Variants in TPCN1 observed in about 807,000 individuals in gnomAD.
TPCN1 encodes two pore channel protein 1.
A neutral mutation model predicts 108.8 loss-of-function variants in TPCN1; 52 were observed. The ratio of observed to expected loss-of-function variants is 0.48; its 90% CI spans 0.38 to 0.60. TPCN1 has a LOEUF of 0.60. TPCN1 is among the 20% of genes least tolerant of loss of function. The pLI, the probability that TPCN1 is intolerant of heterozygous loss-of-function variation, is 0.00. For missense variants in TPCN1, 806 were observed against 1,072.8 expected, an observed-to-expected ratio of 0.75 and a Z score of 3.47; for synonymous variants, 446 against 433.7, an observed-to-expected ratio of 1.03 and a Z score of -0.35.
intron 2 of TPCN1, among the ~76,000 whole-genome samples, chr12:113,235,737 A>G (rs190234901): frequency 4.6e-5 from 7 of 152,218 alleles, no homozygotes; most frequent in African/African-American, 1.7e-4. Flanking sequence ...GTATAACTCT[A>G]GAAGGGTTTA....
intron 2 of TPCN1, among the ~76,000 whole-genome samples, chr12:113,242,742 A>G (rs61943594): frequency 0.091 from 13,830 of 152,128 alleles, 718 homozygotes; most frequent in East Asian, 0.21. Flanking sequence ...CCTTGTTTCT[A>G]GAATGTGCCA....
intron 2 of TPCN1, among the ~76,000 whole-genome samples, chr12:113,246,892 G>A (rs781186663): frequency 6.6e-6 from 1 of 152,192 alleles, no homozygotes; most frequent in Non-Finnish European, 1.5e-5. Context: ...GGGGTGATGC[G>A]GGGTGAGCCT....
chr12:113,276,282 A>AGTG (rs1460885431), intron 10 of TPCN1, among the ~76,000 whole-genome samples: 1 of 152,212 alleles, frequency 6.6e-6, no homozygotes, highest in Non-Finnish European at 1.5e-5. Flanking sequence ...AGACAGAGAA[A>AGTG]GTGTTTCTAA....
rs1247295837 is a variant in TPCN1 at position 113,297,177 on chromosome 12, TACCCTGTAGGA to T, written c.*1102_*1112del. 6.6e-6 allele frequency: 1 copy of T among 152,616 alleles called. No individual in the cohort carries two copies. Among genetic ancestry groups the T allele is most frequent in the Non-Finnish European group, 1.5e-5 (1 of 68,044 alleles). The allele number at this position is 152,616 out of a possible 1,614,324, so 9.5% of individuals were successfully genotyped here. A position where few individuals can be genotyped will look rare whatever the true frequency, so the allele number is the denominator to read the frequency against. On this transcript the variant is annotated 3_prime_UTR_variant, in exon 28 of 28. Transcript: ENST00000335509. This position sits in a 1 kb window ranked among gnomAD's most constrained non-coding sequence, Gnocchi z 4.4. ...GTCGCCACCCCTCCTCCCACCATGG[TACCCTGTAGGA>T]GCCCTGTATGACATCTGAGCGTGGT...
intron 22 of TPCN1, among the ~76,000 whole-genome samples, chr12:113,290,514 C>G (rs934543732): frequency 1.6e-4 from 24 of 152,292 alleles, no homozygotes; most frequent in African/African-American, 5.5e-4. Context: ...GGGCGGGGTC[C>G]CCTCATCACA....
At chr12:113,230,542 TC>T (rs1428459003) in intron 2 of TPCN1, among the ~76,000 whole-genome samples, 1 of 152,190 alleles carries the variant, frequency 6.6e-6, no homozygotes, top group Non-Finnish European at 1.5e-5. Context: ...TGTGTGTCTG[TC>T]CTCTTCTGAT....
In TPCN1 at chr12:113,243,836, G is replaced by A. The variant is rs76185065; in HGVS notation, c.113-16532G>A. Among the ~76,000 whole-genome samples the A allele has an allele frequency of 6.8e-3, 1,042 of 152,298 alleles. 46 individuals carry two copies. In the East Asian group the frequency reaches 0.14, roughly 20 times the overall value. On this transcript the variant is annotated intron_variant, in intron 2 of 27. Transcript: ENST00000335509. ...AAGGCAATGTTTGCAACCTTAGGAT[G>A]TCTGTTGTGTGTTCCTCATGTGGAC...
Position 113,290,214 on chromosome 12 carries a change from A to G in TPCN1, c.1883A>G (p.Asn628Ser), listed in dbSNP as rs777268517. The G allele has an allele frequency of 3.1e-6, 5 of 1,605,182 alleles. No individual in the cohort carries two copies. Among genetic ancestry groups the G allele is most frequent in the African/African-American group, 2.7e-5 (2 of 74,816 alleles). Residue 628 changes from asparagine to serine, a missense_variant, in exon 22 of 28, where the codon AAT (asparagine) becomes AGT (serine). Coordinates refer to ENST00000335509, the MANE Select transcript of TPCN1 (RefSeq NM_017901.6). ...TVVEEGYYYL[N>S]NFDNILNSFV... ...GTGGAGGAAGGCTACTATTATCTCA[A>G]TAATTTTGACAACATCCTCAACAGC...
At chr12:113,280,103 G>T (rs1299587406) in intron 14 of TPCN1, 48 bp from the exon 15 acceptor site, 2 of 1,422,158 alleles carry the variant, frequency 1.4e-6, no homozygotes, top group Non-Finnish European at 9.9e-7. Context: ...TACAGTAGGG[G>T]GAACAAGTGC....
rs60061659 is a variant in TPCN1, at chr12:113,289,354, G to A, written c.1796+507G>A. On this transcript the variant is annotated intron_variant, in intron 21 of 27. Transcript: ENST00000335509. This position sits in a 1 kb window ranked among gnomAD's most constrained non-coding sequence, Gnocchi z 4.1. Reference sequence around the variant, plus strand: ...CTGCCATTCATTCATCCTCAATTCAGAGAGTCCTCTTACATTTGGTCTTTA... The same window carrying A: ...CTGCCATTCATTCATCCTCAATTCAAAGAGTCCTCTTACATTTGGTCTTTA... Among the ~76,000 whole-genome samples, 1 of 152,140 alleles carries A rather than the reference G, an allele frequency of 6.6e-6. No individual in the cohort carries two copies. Among genetic ancestry groups the A allele is most frequent in the African/African-American group, 2.4e-5 (1 of 41,456 alleles).
chr12:113,270,677 C>T (rs991484738), intron 7 of TPCN1, among the ~76,000 whole-genome samples: 1 of 152,128 alleles, frequency 6.6e-6, no homozygotes, highest in Non-Finnish European at 1.5e-5. Flanking sequence ...GATGGGGTTT[C>T]ACCATATTGG....
chr12:113,246,968 G>T (rs2136506646), intron 2 of TPCN1, among the ~76,000 whole-genome samples: 1 of 152,332 alleles, frequency 6.6e-6, no homozygotes, highest in Non-Finnish European at 1.5e-5. Context: ...AAAGATGCGA[G>T]TGCCAGTCAT....
intron 2 of TPCN1, chr12:113,244,653 G>A: frequency 2.0e-6 from 2 of 985,480 alleles, no homozygotes; most frequent in Non-Finnish European, 2.4e-6. Context: ...TTCCCATGGT[G>A]TGGGGCTCTC....
intron 2 of TPCN1, among the ~76,000 whole-genome samples, chr12:113,253,888 A>G (rs1169150930): frequency 6.6e-6 from 1 of 152,234 alleles, no homozygotes; most frequent in African/African-American, 2.4e-5. Flanking sequence ...AGGTTTTGGC[A>G]TACAGTAAAC....
In TPCN1 at chr12:113,284,817, T is replaced by C; in HGVS notation, c.1453+46T>C. ...TGCTGGACTGCTTGTTTTAAAATTGTCTGGGAGAACTTTCATTCAGTGTAG... is the reference window on the plus strand; with the variant it reads ...TGCTGGACTGCTTGTTTTAAAATTGCCTGGGAGAACTTTCATTCAGTGTAG... On this transcript the variant is annotated intron_variant, in intron 17 of 27. Coordinates refer to ENST00000335509, the MANE Select transcript of TPCN1 (RefSeq NM_017901.6). This position sits in a 1 kb window ranked among gnomAD's most constrained non-coding sequence, Gnocchi z 4.1. 2 of 1,602,674 alleles carry C rather than the reference T, an allele frequency of 1.2e-6. No homozygotes were observed. The highest frequency in any genetic ancestry group is 1.7e-6 in the Non-Finnish European group (2 of 1,169,550).
chr12:113,271,634 T>C lies in TPCN1; in HGVS notation c.749-1024T>C, dbSNP rs1467934519. Among the ~76,000 whole-genome samples the C allele has an allele frequency of 3.3e-5, 5 of 152,386 alleles. No homozygotes were observed. The South Asian group carries it at 1.0e-3, about 32-fold the overall frequency. ...GTAGATGCTGTTTATTCATTTTCAC[T>C]GGAGCGGAGCAAGTATGCCAAAGCT... On this transcript the variant is annotated intron_variant, in intron 7 of 27. Coordinates refer to ENST00000335509, the MANE Select transcript of TPCN1 (RefSeq NM_017901.6).
chr12:113,280,638 A>G (rs1376685841), intron 15 of TPCN1, among the ~76,000 whole-genome samples: 2 of 152,232 alleles, frequency 1.3e-5, no homozygotes. Flanking sequence ...ATTTACATTT[A>G]AGCTAATTAA....
rs1269044524 is a variant in TPCN1, at chr12:113,297,216, AG to A, written c.*1142del. The A allele has an allele frequency of 6.6e-6, 1 of 152,518 alleles. No individual in the cohort carries two copies. Among genetic ancestry groups the A allele is most frequent in the East Asian group, 2.0e-4 (1 of 5,128 alleles). 9.4% of individuals were successfully genotyped at this position (152,518 alleles called of 1,614,324 possible). On this transcript the variant is annotated 3_prime_UTR_variant, in exon 28 of 28. Coordinates refer to ENST00000335509, the MANE Select transcript of TPCN1 (RefSeq NM_017901.6). The surrounding 1 kb of genome is among the most constrained non-coding windows in gnomAD (Gnocchi z 4.4). ...CCTGTATGACATCTGAGCGTGGTGG[AG>A]GTAGGAGGGTTGCCAGCTGCAGTGA...
In TPCN1 at chr12:113,273,588, C is replaced by T; in HGVS notation, c.862C>T (p.Pro288Ser). The change falls in exon 10 of 28, where the codon CCC becomes TCC. Residue 288 changes from proline (P) to serine (S), a missense_variant. Physicochemically the swap from Pro to Ser is moderately conservative, Grantham distance 74. Transcript: ENST00000335509. The surrounding 1 kb of genome is among the most constrained non-coding windows in gnomAD (Gnocchi z 4.0). ...ATACAGTTTCCCAGATGTGATGATG[C>T]CCTCCTACTCCCGGAACCCCTGGTC... The part of the protein sequence containing the change: ...TTANFPDVMM[P>S]SYSRNPWSCV... 6.2e-7 allele frequency: 1 copy of T among 1,614,108 alleles called. No homozygotes were observed. Among genetic ancestry groups the T allele is most frequent in the Non-Finnish European group, 8.5e-7 (1 of 1,179,956 alleles).
Sources: allele counts gnomAD v4.1 joint callset (sites outside exome capture counted in the v4.1 genomes callset), GRCh38; gene constraint gnomAD v4.1.1; non-coding constraint Gnocchi (gnomAD v3.1); transcripts MANE v1.5; gene names NCBI Gene and HGNC (gene_info 2026-07-23, HGNC 2026-07-21).